DOCK5: variants seen among roughly 807,000 people sequenced by gnomAD.
The protein encoded by DOCK5 is dedicator of cytokinesis protein 5.
In DOCK5, 142 loss-of-function variants were observed where a neutral mutation model predicts 251.8. The ratio of observed to expected loss-of-function variants is 0.56; its 90% CI spans 0.49 to 0.65. The LOEUF is 0.65. Among genes scored for constraint, DOCK5 ranks in the 30% least tolerant of loss-of-function variants. DOCK5 has a pLI of 0.00. For synonymous variants in DOCK5, 842 were observed against 835.5 expected (o/e 1.01, Z -0.13); for missense variants, 2,111 against 2,312.3 (o/e 0.91, Z 1.79).
chr8:25,410,891 G>A (rs865842705), intron 51 of DOCK5, among the ~76,000 whole-genome samples: 1 of 148,978 alleles, frequency 6.7e-6, no homozygotes, highest in African/African-American at 2.5e-5. Flanking sequence ...CTGTCTATAC[G>A]CCAGGAACCC....
chr8:25,214,714 A>T (rs1367328100), intron 1 of DOCK5, among the ~76,000 whole-genome samples: 1 of 152,140 alleles, frequency 6.6e-6, no homozygotes, highest in Admixed American at 6.5e-5. Context: ...TCGATTCAGC[A>T]GTCATCGGTT....
At chr8:25,222,697 C>T (rs567576100) in intron 1 of DOCK5, among the ~76,000 whole-genome samples, 1 of 152,336 alleles carries the variant, frequency 6.6e-6, no homozygotes, top group East Asian at 1.9e-4. Context: ...TCGCCTCCAT[C>T]AGGGGCTCCT....
At chr8:25,405,010 G>A (rs1196814415) in intron 48 of DOCK5, among the ~76,000 whole-genome samples, 1 of 151,944 alleles carries the variant, frequency 6.6e-6, no homozygotes, top group East Asian at 1.9e-4. Flanking sequence ...CTTTTCATTT[G>A]TTTGTAGTTT....
Position 25,377,038 on chromosome 8 carries a change from G to A in DOCK5, c.3817-267G>A, listed in dbSNP as rs576874774. Among the ~76,000 whole-genome samples the A allele has an allele frequency of 1.7e-4, 26 of 152,186 alleles. No homozygotes were observed. In the South Asian group the frequency reaches 5.0e-3, roughly 29 times the overall value. The stretch of plus-strand genomic sequence containing the variant: ...GTTCCTTTTATCTGACTGTGTTACT[G>A]ATGCCCCAGTACAACGACAGTCATG... On this transcript the variant is annotated intron_variant, in intron 37 of 51. Transcript: ENST00000276440.
chr8:25,407,160 A>T (rs976837646), intron 48 of DOCK5, among the ~76,000 whole-genome samples: 1 of 152,156 alleles, frequency 6.6e-6, no homozygotes, highest in African/African-American at 2.4e-5. Context: ...ATATTTGGAC[A>T]TGTAGCTTTC....
intron 26 of DOCK5, among the ~76,000 whole-genome samples, chr8:25,347,055 C>G (rs1800384203): frequency 6.6e-6 from 1 of 152,140 alleles, no homozygotes; most frequent in Non-Finnish European, 1.5e-5. Context: ...AACAGGAAAA[C>G]CACTCTTTGT....
chr8:25,316,940 G>C lies in DOCK5; in HGVS notation c.1319-67G>C, dbSNP rs139854915. 1.9e-6 allele frequency: 3 copies of C among 1,586,776 alleles called. No homozygotes were observed. In the South Asian group the frequency reaches 3.4e-5, roughly 18 times the overall value. On this transcript the variant is annotated intron_variant, in intron 13 of 51. Transcript: ENST00000276440. ...TCGTGTTGTCTTTACCTTTTATGTC[G>C]TATGACATTCTGAAACTTAGAATGA...
At chr8:25,288,943 A>G (rs1804411884) in intron 5 of DOCK5, among the ~76,000 whole-genome samples, 1 of 152,232 alleles carries the variant, frequency 6.6e-6, no homozygotes, top group Non-Finnish European at 1.5e-5. Flanking sequence ...CAAAATTTTA[A>G]ACAGGCTTTG....
At chr8:25,219,057 C>T (rs1432009159) in intron 1 of DOCK5, among the ~76,000 whole-genome samples, 1 of 152,044 alleles carries the variant, frequency 6.6e-6, no homozygotes, top group Non-Finnish European at 1.5e-5. Context: ...TCTTGTGATT[C>T]ATCGGTTTTA....
chr8:25,233,230 C>A (rs577825468), intron 1 of DOCK5, among the ~76,000 whole-genome samples: 2 of 152,172 alleles, frequency 1.3e-5, no homozygotes, highest in African/African-American at 4.8e-5. Context: ...GGTATCACTC[C>A]CTGCATTGCC....
intron 26 of DOCK5, among the ~76,000 whole-genome samples, chr8:25,350,508 A>G (rs967964779): frequency 6.6e-6 from 1 of 152,226 alleles, no homozygotes; most frequent in Non-Finnish European, 1.5e-5. Context: ...GCGAAGTTGA[A>G]TAATTGCTCA....
chr8:25,198,195 A>G (rs377381014), intron 1 of DOCK5, among the ~76,000 whole-genome samples: 1 of 152,240 alleles, frequency 6.6e-6, no homozygotes, highest in South Asian at 2.1e-4. Flanking sequence ...AACAAGTTGC[A>G]TCGTATTTGA....
chr8:25,219,602 C>G (rs1404544821), intron 1 of DOCK5, among the ~76,000 whole-genome samples: 1 of 152,158 alleles, frequency 6.6e-6, no homozygotes, highest in Non-Finnish European at 1.5e-5. Context: ...GAAAATATCT[C>G]TATTCCACCC....
intron 13 of DOCK5, among the ~76,000 whole-genome samples, chr8:25,316,307 C>A (rs1304489992): frequency 6.6e-6 from 1 of 152,018 alleles, no homozygotes; most frequent in East Asian, 1.9e-4. Flanking sequence ...TAGTGAGACC[C>A]CTTCTCTACA....
intron 30 of DOCK5, 167 bp downstream of exon 30, chr8:25,364,871 CA>C: frequency 1.9e-6 from 1 of 521,280 alleles, no homozygotes. Flanking sequence ...GTCCTCCAAA[CA>C]CAACAAAATA....
intron 27 of DOCK5, among the ~76,000 whole-genome samples, chr8:25,356,582 G>A (rs1452511068): frequency 1.3e-5 from 2 of 152,074 alleles, no homozygotes; most frequent in East Asian, 1.9e-4. Flanking sequence ...TGTGAGGATC[G>A]CTTGAGCCCC....
intron 5 of DOCK5, among the ~76,000 whole-genome samples, chr8:25,279,512 G>A (rs1804133454): frequency 1.3e-5 from 2 of 150,966 alleles, no homozygotes; most frequent in African/African-American, 4.9e-5. Flanking sequence ...TTTCGCCCAA[G>A]CTGGACTGCA....
At chr8:25,217,009 T>C (rs1438622630) in intron 1 of DOCK5, among the ~76,000 whole-genome samples, 1 of 135,696 alleles carries the variant, frequency 7.4e-6, no homozygotes, top group East Asian at 2.1e-4. Flanking sequence ...ACAATATGTG[T>C]ATACAATATG....
intron 1 of DOCK5, among the ~76,000 whole-genome samples, chr8:25,200,577 C>T (rs1188460980): frequency 1.3e-5 from 2 of 150,306 alleles, no homozygotes; most frequent in Non-Finnish European, 3.0e-5. Flanking sequence ...CTACCTAATA[C>T]CACATAAAAA....
Sources: gnomAD v4.1 joint callset for allele counts (sites outside exome capture counted in the v4.1 genomes callset) on GRCh38, gnomAD v4.1.1 for gene constraint, MANE v1.5 for transcripts, NCBI Gene and HGNC (gene_info 2026-07-23, HGNC 2026-07-21) for gene names.